GRIK2: variants seen among roughly 807,000 people sequenced by gnomAD.
The protein encoded by GRIK2 is glutamate receptor ionotropic, kainate 2.
A neutral mutation model predicts 100.3 loss-of-function variants in GRIK2; 32 were observed. That is an observed-to-expected ratio of 0.32 (90% CI 0.24 to 0.43). The LOEUF (loss-of-function observed/expected upper bound fraction) is 0.43. Ranked by LOEUF, GRIK2 falls within the 20% of genes least tolerant of loss-of-function variation. GRIK2 has a pLI of 1.00. For synonymous variants in GRIK2, 417 were observed against 389.4 expected (o/e 1.07, Z -0.83); for missense variants, 843 against 1,114.9 (o/e 0.76, Z 3.47).
intron 10 of GRIK2, among the ~76,000 whole-genome samples, chr6:101,833,833 A>T (rs1327303962): frequency 6.6e-6 from 1 of 151,912 alleles, no homozygotes; most frequent in Non-Finnish European, 1.5e-5. Flanking sequence ...CTGCTCAATA[A>T]TTACAATATT....
intron 4 of GRIK2, among the ~76,000 whole-genome samples, chr6:101,647,003 A>G (rs906706135): frequency 6.6e-6 from 1 of 151,974 alleles, no homozygotes; most frequent in African/African-American, 2.4e-5. Context: ...AACACTTAGC[A>G]TGCATTTCTC....
rs367926395 is a variant in GRIK2 at position 102,064,389 on chromosome 6, T to TTC, written c.2563-3943_2563-3942dup. ...TTCTTTCTTTCTTTCTTTCTTTCCT[T>TTC]TCTCTCTCTCTCTCTCCCTCCCTCC... On this transcript the variant is annotated intron_variant, in intron 16 of 16. Coordinates refer to ENST00000369134, the MANE Select transcript of GRIK2 (RefSeq NM_021956.5). Among the ~76,000 whole-genome samples, 910 of 136,920 alleles carry TTC rather than the reference T, an allele frequency of 6.6e-3. 14 individuals are homozygous for TTC. Among genetic ancestry groups the TTC allele is most frequent in the African/African-American group, 0.023 (868 of 37,612 alleles). The allele number at this position is 136,920 out of a possible 152,430, so 89.8% of individuals were successfully genotyped here.
intron 14 of GRIK2, among the ~76,000 whole-genome samples, chr6:101,966,380 A>T (rs549055721): frequency 1.3e-3 from 194 of 152,264 alleles, no homozygotes; most frequent in African/African-American, 4.5e-3. Context: ...GGAGAAATTT[A>T]AAAAATATAT....
chr6:101,893,183 G>A (rs1290723588), intron 12 of GRIK2, among the ~76,000 whole-genome samples: 1 of 150,812 alleles, frequency 6.6e-6, no homozygotes, highest in Non-Finnish European at 1.5e-5. Flanking sequence ...TCATATAGAG[G>A]TCACTGATAT....
intron 2 of GRIK2, among the ~76,000 whole-genome samples, chr6:101,596,710 C>T (rs1307844065): frequency 6.6e-6 from 1 of 151,594 alleles, no homozygotes; most frequent in Non-Finnish European, 1.5e-5. Flanking sequence ...GTTTTAACTG[C>T]ATGGAGAAAG....
chr6:101,528,492 T>G (rs935290547), intron 2 of GRIK2, among the ~76,000 whole-genome samples: 4 of 152,150 alleles, frequency 2.6e-5, no homozygotes, highest in Non-Finnish European at 4.4e-5. Context: ...TTTTAGGTTT[T>G]CAAATTTCAG....
chr6:102,037,374 T>C (rs1251053367), intron 15 of GRIK2, among the ~76,000 whole-genome samples: 7 of 151,304 alleles, frequency 4.6e-5, no homozygotes, highest in African/African-American at 1.7e-4. Flanking sequence ...AAAAAGTCAA[T>C]AAAAGCTCAG....
intron 15 of GRIK2, among the ~76,000 whole-genome samples, chr6:102,049,512 A>C (rs1488818161): frequency 1.3e-5 from 2 of 152,144 alleles, no homozygotes; most frequent in African/African-American, 2.4e-5. Context: ...AACAAGTTTT[A>C]TTTAATTTTT....
At chr6:101,832,899 C>G (rs897781880) in intron 10 of GRIK2, among the ~76,000 whole-genome samples, 3 of 152,106 alleles carry the variant, frequency 2.0e-5, no homozygotes, top group Non-Finnish European at 4.4e-5. Context: ...TGCTTCATCT[C>G]AACTTTCCGA....
intron 9 of GRIK2, among the ~76,000 whole-genome samples, chr6:101,803,425 A>G (rs1024750489): frequency 6.6e-6 from 1 of 151,866 alleles, no homozygotes; most frequent in Non-Finnish European, 1.5e-5. Context: ...TCAAACTGAT[A>G]GAGCTGTTAC....
At chr6:101,803,735 A>G (rs542114273) in intron 9 of GRIK2, among the ~76,000 whole-genome samples, 111 of 152,070 alleles carry the variant, frequency 7.3e-4, no homozygotes, top group African/African-American at 2.6e-3. Flanking sequence ...ATACATCTGC[A>G]TAAAATGGCA....
intron 2 of GRIK2, among the ~76,000 whole-genome samples, chr6:101,460,131 C>G (rs1452180959): frequency 6.6e-6 from 1 of 152,126 alleles, no homozygotes; most frequent in Admixed American, 6.5e-5. Context: ...TTTCTCTCCC[C>G]AGTGTCTAGT....
intron 12 of GRIK2, among the ~76,000 whole-genome samples, chr6:101,910,803 C>A (rs1409230781): frequency 6.3e-5 from 9 of 142,520 alleles, no homozygotes; most frequent in Admixed American, 5.6e-4. Flanking sequence ...GTGACTATAA[C>A]TAAAGGGGGT....
chr6:101,590,446 C>T (rs1167165382), intron 2 of GRIK2, among the ~76,000 whole-genome samples: 2 of 152,006 alleles, frequency 1.3e-5, no homozygotes, highest in African/African-American at 4.8e-5. Context: ...GGTGCTTGGC[C>T]TTTAGTGTGT....
chr6:101,476,646 C>A lies in GRIK2; in HGVS notation c.115+77254C>A, dbSNP rs186968070. On this transcript the variant is annotated intron_variant, in intron 2 of 16. Transcript: ENST00000369134. The stretch of plus-strand genomic sequence containing the variant: ...GTAGAAAGATTTCACTGAATTTTAC[C>A]TATATGATAATTATATTTTTGTAGG... Among the ~76,000 whole-genome samples the A allele has an allele frequency of 2.6e-5, 4 of 152,084 alleles. No individual in the cohort carries two copies. In the East Asian group the frequency reaches 7.7e-4, roughly 29 times the overall value.
chr6:101,742,298 G>T (rs1335555338), intron 7 of GRIK2, among the ~76,000 whole-genome samples: 2 of 152,152 alleles, frequency 1.3e-5, no homozygotes, highest in Non-Finnish European at 2.9e-5. Context: ...TGAGAGGACA[G>T]GTCTCAAATC....
intron 14 of GRIK2, among the ~76,000 whole-genome samples, chr6:102,012,970 A>G (rs1389342119): frequency 6.6e-6 from 1 of 152,180 alleles, no homozygotes; most frequent in African/African-American, 2.4e-5. Context: ...AGTTCTGTGA[A>G]GAATGTTATT....
At chr6:101,836,071 A>T (rs1360066014) in intron 10 of GRIK2, among the ~76,000 whole-genome samples, 3 of 151,388 alleles carry the variant, frequency 2.0e-5, no homozygotes, top group Admixed American at 1.3e-4. Flanking sequence ...TATAGGTTGA[A>T]TTTTTGGGGA....
At chr6:101,713,016 A>T (rs1362890041) in intron 7 of GRIK2, among the ~76,000 whole-genome samples, 1 of 151,850 alleles carries the variant, frequency 6.6e-6, no homozygotes, top group Non-Finnish European at 1.5e-5. Context: ...AAGATCAGAA[A>T]AAAACTCTAA....
Sources: allele counts gnomAD v4.1 joint callset (sites outside exome capture counted in the v4.1 genomes callset), GRCh38; gene constraint gnomAD v4.1.1; transcripts MANE v1.5; gene names NCBI Gene and HGNC (gene_info 2026-07-23, HGNC 2026-07-21).